The following PDE7B variants were observed in gnomAD, a reference collection of about 807,000 sequenced individuals.
The protein encoded by PDE7B is phosphodiesterase 7B, also known as 3',5'-cyclic-AMP phosphodiesterase 7B.
In PDE7B, 29 loss-of-function variants were observed where a neutral mutation model predicts 56.2. The ratio of observed to expected loss-of-function variants is 0.52; its 90% CI spans 0.38 to 0.70. The LOEUF (loss-of-function observed/expected upper bound fraction) is 0.70, where lower values mean the gene tolerates loss of function less well. PDE7B is among the 30% of genes least tolerant of loss of function. The pLI is 0.00. For synonymous variants in PDE7B, 197 were observed against 196.9 expected (o/e 1.00, Z 0.00); for missense variants, 490 against 565.0 (o/e 0.87, Z 1.35).
At chr6:135,906,728 C>A (rs1046197886) in intron 1 of PDE7B, among the ~76,000 whole-genome samples, 2 of 150,370 alleles carry the variant, frequency 1.3e-5, no homozygotes, top group Non-Finnish European at 1.5e-5. Context: ...TATATAGTGT[C>A]CTGATGTAAT....
chr6:136,037,648 G>GA (rs1776345616), intron 2 of PDE7B: 5 of 985,310 alleles, frequency 5.1e-6, no homozygotes, highest in Non-Finnish European at 6.0e-6. Flanking sequence ...TTGCAGGCCT[G>GA]AGCCTGTACC....
chr6:136,038,824 G>T (rs946617119), intron 2 of PDE7B, among the ~76,000 whole-genome samples: 1 of 152,182 alleles, frequency 6.6e-6, no homozygotes, highest in Non-Finnish European at 1.5e-5. Context: ...CACCAAGGAG[G>T]GGGTGGAATT....
At chr6:135,955,744 T>C (rs1774781715) in intron 2 of PDE7B, among the ~76,000 whole-genome samples, 2 of 152,092 alleles carry the variant, frequency 1.3e-5, no homozygotes, top group South Asian at 4.1e-4. Flanking sequence ...CTACCTGAAT[T>C]GAGACAGTGT....
At chr6:135,976,500 C>T (rs916848436) in intron 2 of PDE7B, among the ~76,000 whole-genome samples, 1 of 152,104 alleles carries the variant, frequency 6.6e-6, no homozygotes, top group Non-Finnish European at 1.5e-5. Context: ...GTAAAACAGA[C>T]CTCAAAGAAG....
At chr6:136,021,523 A>G (rs1776071207) in intron 2 of PDE7B, among the ~76,000 whole-genome samples, 1 of 152,048 alleles carries the variant, frequency 6.6e-6, no homozygotes, top group Non-Finnish European at 1.5e-5. Flanking sequence ...GCATGCCTGT[A>G]ATCCCAGCTA....
intron 1 of PDE7B, among the ~76,000 whole-genome samples, chr6:135,882,194 G>A (rs1395115573): frequency 6.6e-6 from 1 of 152,126 alleles, no homozygotes; most frequent in Non-Finnish European, 1.5e-5. Context: ...TTTCCTATTG[G>A]ATATCCACAG....
chr6:136,136,023 T>G (rs141680222), intron 3 of PDE7B, among the ~76,000 whole-genome samples: 312 of 152,230 alleles, frequency 2.0e-3, no homozygotes, highest in African/African-American at 7.1e-3. Flanking sequence ...CATCTTAGGC[T>G]AGGTTACTTC....
chr6:136,168,948 T>G (rs189094058), intron 8 of PDE7B, among the ~76,000 whole-genome samples: 3 of 152,262 alleles, frequency 2.0e-5, no homozygotes, highest in African/African-American at 7.2e-5. Flanking sequence ...TATCAGCTTG[T>G]AAATTTCAGG....
At chr6:136,140,022 G>A (rs1379888158) in intron 3 of PDE7B, among the ~76,000 whole-genome samples, 4 of 152,190 alleles carry the variant, frequency 2.6e-5, no homozygotes, top group Non-Finnish European at 5.9e-5. Context: ...TGCTTTTGGT[G>A]TTTTAGACAT....
At chr6:135,898,228 TTGTAG>T (rs1191027394) in intron 1 of PDE7B, among the ~76,000 whole-genome samples, 1 of 152,208 alleles carries the variant, frequency 6.6e-6, no homozygotes, top group Non-Finnish European at 1.5e-5. Flanking sequence ...TAATTGCAGA[TTGTAG>T]TTTTCATTGT....
chr6:135,924,617 C>CTTTTTTTT (rs3037775), intron 1 of PDE7B, among the ~76,000 whole-genome samples: 13 of 49,578 alleles, frequency 2.6e-4, no homozygotes, highest in African/African-American at 1.2e-3. Flanking sequence ...CTCTCTCTCT[C>CTTTTTTTT]TTTTTTTTTT....
chr6:135,923,535 G>A (rs4142309), intron 1 of PDE7B, among the ~76,000 whole-genome samples: 19,445 of 152,102 alleles, frequency 0.13, 1,574 homozygotes, highest in East Asian at 0.39. Flanking sequence ...GGTATAGGCA[G>A]AACTGACTTT....
At chr6:136,115,473 T>G (rs568981959) in intron 3 of PDE7B, among the ~76,000 whole-genome samples, 37 of 152,300 alleles carry the variant, frequency 2.4e-4, no homozygotes, top group South Asian at 1.9e-3. Context: ...AAAGTGTTAT[T>G]GAAAGACAAA....
intron 1 of PDE7B, among the ~76,000 whole-genome samples, chr6:135,911,477 A>G (rs1057242473): frequency 6.6e-6 from 1 of 152,196 alleles, no homozygotes; most frequent in Admixed American, 6.5e-5. Flanking sequence ...CTTTTAAACC[A>G]ACGTGATATA....
At chr6:135,865,518 C>A (rs1775237519) in intron 1 of PDE7B, among the ~76,000 whole-genome samples, 1 of 151,770 alleles carries the variant, frequency 6.6e-6, no homozygotes, top group African/African-American at 2.4e-5. Context: ...TTATTTTGAT[C>A]TCTTGAGTGT....
intron 1 of PDE7B, among the ~76,000 whole-genome samples, chr6:135,924,613 CTCTCTTTTT>C (rs1454506223): frequency 1.0e-5 from 1 of 96,454 alleles, no homozygotes; most frequent in Non-Finnish European, 2.0e-5. Context: ...ATCTCTCTCT[CTCTCTTTTT>C]TTTTTTTTTT....
chr6:135,874,411 C>A (rs933365594), intron 1 of PDE7B, among the ~76,000 whole-genome samples: 1 of 152,112 alleles, frequency 6.6e-6, no homozygotes, highest in Admixed American at 6.6e-5. Flanking sequence ...AACATCACAA[C>A]CTTTGAAAGA....
At chr6:135,973,086 C>CTAAATACTTAGTAATGGGG in intron 2 of PDE7B, among the ~76,000 whole-genome samples, 7 of 151,180 alleles carry the variant, frequency 4.6e-5, no homozygotes, top group African/African-American at 1.2e-4. Context: ...GCTCATTCAT[C>CTAAATACTTAGTAATGGGG]TTGCATAACT....
intron 2 of PDE7B, among the ~76,000 whole-genome samples, chr6:135,962,115 A>G (rs1300481897): frequency 3.3e-5 from 5 of 152,136 alleles, no homozygotes; most frequent in African/African-American, 7.2e-5. Context: ...AAATTGCTTT[A>G]CCTTCCTCTC....
Sources: gnomAD v4.1 joint callset for allele counts (sites outside exome capture counted in the v4.1 genomes callset) on GRCh38, gnomAD v4.1.1 for gene constraint, MANE v1.5 for transcripts, NCBI Gene and HGNC (gene_info 2026-07-23, HGNC 2026-07-21) for gene names.